Variants in MYADM observed in about 807,000 individuals in gnomAD.
MYADM encodes myeloid-associated differentiation marker.
For missense variants in MYADM, 416 were observed against 443.4 expected, an observed-to-expected ratio of 0.94 and a Z score of 0.56; for synonymous variants, 224 against 210.2, an observed-to-expected ratio of 1.07 and a Z score of -0.57.
chr19:53,874,305 C>T lies in MYADM; in HGVS notation c.776C>T (p.Pro259Leu), dbSNP rs1274009058. Residue 259 changes from proline (P) to leucine (L), a missense_variant, in exon 3 of 3, where the codon CCC (proline) becomes CTC (leucine). Physicochemically the swap from Pro to Leu is moderately conservative, Grantham distance 98. Transcript: ENST00000391770. ...TATGCCACCGCCCTTGTTCTCTGGC[C>T]CCTCTACCAGTTCGATGAGAAGTAT... ...LLYATALVLW[P>L]LYQFDEKYGG... 1.2e-6 allele frequency: 2 copies of T among 1,611,242 alleles called. No individual in the cohort carries two copies. Among genetic ancestry groups the T allele is most frequent in the Non-Finnish European group, 1.7e-6 (2 of 1,177,988 alleles).
chr19:53,874,081 C>A lies in MYADM; in HGVS notation c.552C>A (p.Ala184=), dbSNP rs369701605. ...TGAAGGTGCTGGAGACCTTCGTTGC[C>A]TGCATCATCTTCGCGTTCATCAGCG... ...GLLKVLETFV[A]CIIFAFISDP... Residue 184 remains alanine (A), a synonymous_variant, in exon 3 of 3, where the codon GCC becomes GCA. Transcript: ENST00000391770. The A allele has an allele frequency of 2.5e-6, 4 of 1,611,708 alleles. No homozygotes were observed. The East Asian group carries it at 8.9e-5, about 36-fold the overall frequency.
chr19:53,866,563 A>G (rs1181293868), upstream of MYADM: 1 of 152,230 alleles, frequency 6.6e-6, no homozygotes, highest in African/African-American at 2.4e-5. This position sits in a 1 kb window ranked among gnomAD's most constrained non-coding sequence, Gnocchi z 4.3. Flanking sequence ...CCGCCTTTTA[A>G]AAACACACCC....
rs763468606 is a variant in MYADM at position 53,873,844 on chromosome 19, C to T, written c.315C>T (p.Phe105=). 12 of 1,613,542 alleles carry T rather than the reference C, an allele frequency of 7.4e-6. No homozygotes were observed. Among genetic ancestry groups the T allele is most frequent in the East Asian group, 2.2e-5 (1 of 44,884 alleles). ...CTTGGCGCAACTTCCCCATCACCTT[C>T]GCCTGCTATGCGGCCCTCTTCTGCC... ...PLSWRNFPIT[F]ACYAALFCLS... is the part of the protein sequence containing the mutation. Residue 105 remains phenylalanine (F), a synonymous_variant, in exon 3 of 3, where the codon TTC becomes TTT. Coordinates refer to ENST00000391770, the MANE Select transcript of MYADM (RefSeq NM_138373.5). This position sits in a 1 kb window ranked among gnomAD's most constrained non-coding sequence, Gnocchi z 4.3.
At chr19:53,866,511 CT>C, upstream of MYADM, 1 of 152,418 alleles carries the variant, frequency 6.6e-6, no homozygotes, top group Non-Finnish European at 1.5e-5. This position sits in a 1 kb window ranked among gnomAD's most constrained non-coding sequence, Gnocchi z 4.3. Context: ...TCAGCTCCCT[CT>C]TTTTCTTTTG....
Position 53,874,601 on chromosome 19 carries a change from T to G in MYADM, c.*103T>G. 1 of 1,357,720 alleles carries G rather than the reference T, an allele frequency of 7.4e-7. No individual in the cohort carries two copies. Among genetic ancestry groups the G allele is most frequent in the East Asian group, 2.5e-5 (1 of 40,734 alleles). The allele number at this position is 1,357,720 out of a possible 1,614,324, so 84.1% of individuals were successfully genotyped here. ...TTCCTCCGCCTTTCCTCTGTTTTCC[T>G]CTTCCTGTCTCCCCTCCCTCCCACC... On this transcript the variant is annotated 3_prime_UTR_variant, in exon 3 of 3. Coordinates refer to ENST00000391770, the MANE Select transcript of MYADM (RefSeq NM_138373.5).
rs1361722292 is a variant in MYADM, at chr19:53,875,448, C to T, written c.*950C>T. ...CAGAGATTGGCTCCAGAATTTTTGC[C>T]AGGCTTACAGAACACCCACTGCCTA... On this transcript the variant is annotated 3_prime_UTR_variant, in exon 3 of 3. Coordinates refer to ENST00000391770, the MANE Select transcript of MYADM (RefSeq NM_138373.5). 6.0e-6 allele frequency: 1 copy of T among 166,502 alleles called. No homozygotes were observed. The highest frequency in any genetic ancestry group is 6.6e-5 in the Admixed American group (1 of 15,210). The allele number at this position is 166,502 out of a possible 1,614,324, so 10.3% of individuals were successfully genotyped here. A position where few individuals can be genotyped will look rare whatever the true frequency, so the allele number is the denominator to read the frequency against.
rs67727940 is a variant in MYADM at position 53,874,771 on chromosome 19, CTTT to C, written c.*293_*295del. The stretch of plus-strand genomic sequence containing the variant: ...CCTGAGCTGTTTCTCTTTTTCTTTT[CTTT>C]TTTTTTTTTTTTTTTTTTTAAGACG... On this transcript the variant is annotated 3_prime_UTR_variant, in exon 3 of 3. Coordinates refer to ENST00000391770, the MANE Select transcript of MYADM (RefSeq NM_138373.5). 626 of 171,672 alleles carry C rather than the reference CTTT, an allele frequency of 3.6e-3. 24 individuals carry two copies. The highest frequency in any genetic ancestry group is 9.5e-3 in the Middle Eastern group (4 of 420). The allele number at this position is 171,672 out of a possible 1,614,324, so 10.6% of individuals were successfully genotyped here.
chr19:53,873,920 G>A lies in MYADM; in HGVS notation c.391G>A (p.Gly131Ser), dbSNP rs977593432. The A allele has an allele frequency of 5.0e-6, 8 of 1,612,086 alleles. No homozygotes were observed. In the Admixed American group the frequency reaches 5.0e-5, roughly 10 times the overall value. The change falls in exon 3 of 3, where the codon GGC (glycine) becomes AGC (serine). Residue 131 changes from glycine to serine, a missense_variant. By Grantham distance (56) the Gly-to-Ser change is moderately conservative (BLOSUM62 0). Coordinates refer to ENST00000391770, the MANE Select transcript of MYADM (RefSeq NM_138373.5). This position sits in a 1 kb window ranked among gnomAD's most constrained non-coding sequence, Gnocchi z 4.3. ...CACCTATGTCCAGTTCCTGTCCCACGGCCGTTCGCGGGACCACGCCATCGC... is the reference window on the plus strand; with the variant it reads ...CACCTATGTCCAGTTCCTGTCCCACAGCCGTTCGCGGGACCACGCCATCGC... ...PTTYVQFLSH[G>S]RSRDHAIAAT...
In MYADM at chr19:53,869,771, TC is replaced by T. The variant is rs1168839875; in HGVS notation, c.-68del. Reference sequence around the variant, plus strand: ...CCCCTCAGGTGCTCTTACAGCCTGTTCCAAGTGTGGCTTAATCCGTCTCCAC... The same window carrying T: ...CCCCTCAGGTGCTCTTACAGCCTGTTCAAGTGTGGCTTAATCCGTCTCCAC... On this transcript the variant is annotated 5_prime_UTR_variant, in exon 2 of 3. Coordinates refer to ENST00000391770, the MANE Select transcript of MYADM (RefSeq NM_138373.5). 1.3e-5 allele frequency: 2 copies of T among 153,096 alleles called. No homozygotes were observed. Among genetic ancestry groups the T allele is most frequent in the Non-Finnish European group, 2.9e-5 (2 of 68,352 alleles). The allele number at this position is 153,096 out of a possible 1,614,324, so 9.5% of individuals were successfully genotyped here. A position where few individuals can be genotyped will look rare whatever the true frequency, so the allele number is the denominator to read the frequency against.
In MYADM at chr19:53,868,530, G is replaced by C. The variant is rs1370366060; in HGVS notation, c.-88+587G>C. 2.0e-5 allele frequency among the ~76,000 whole-genome samples: 3 copies of C among 152,036 alleles called. No individual in the cohort carries two copies. The highest frequency in any genetic ancestry group is 4.4e-5 in the Non-Finnish European group (3 of 67,986). The stretch of plus-strand genomic sequence containing the variant: ...TGGGCTCCTGAAAGGCCGAGGGAGG[G>C]GGGTGTTAAGATCCAGCCCCGTGCT... On this transcript the variant is annotated intron_variant, in intron 1 of 2. Transcript: ENST00000391770. This position sits in a 1 kb window ranked among gnomAD's most constrained non-coding sequence, Gnocchi z 6.3.
chr19:53,875,991 G>C lies in MYADM; in HGVS notation c.*1493G>C, dbSNP rs1353369929. On this transcript the variant is annotated 3_prime_UTR_variant, in exon 3 of 3. Coordinates refer to ENST00000391770, the MANE Select transcript of MYADM (RefSeq NM_138373.5). ...AGAGAGAAGAAAATAGCCACTGCCC[G>C]CTTTCAAGGCAAGATCGACCTTTTC... is the stretch of plus-strand genomic sequence containing the variant. The C allele has an allele frequency of 6.0e-6, 1 of 167,014 alleles. No homozygotes were observed. The highest frequency in any genetic ancestry group is 1.5e-5 in the Non-Finnish European group (1 of 68,114). The allele number at this position is 167,014 out of a possible 1,614,324, so 10.3% of individuals were successfully genotyped here. A position where few individuals can be genotyped will look rare whatever the true frequency, so the allele number is the denominator to read the frequency against.
chr19:53,870,037 G>A (rs1467017426), intron 2 of MYADM, among the ~76,000 whole-genome samples, 199 bp downstream of exon 2: 3 of 122,456 alleles, frequency 2.4e-5, no homozygotes, highest in African/African-American at 7.7e-5. Flanking sequence ...CGAGGGAGGA[G>A]GGGCTGGGGG....
intron 2 of MYADM, among the ~76,000 whole-genome samples, chr19:53,872,389 TG>T (rs2068409247): frequency 6.6e-6 from 1 of 151,982 alleles, no homozygotes; most frequent in African/African-American, 2.4e-5. Flanking sequence ...AGAGACCGAG[TG>T]TCGCCACGTT....
rs573221688 is a variant in MYADM at position 53,874,574 on chromosome 19, C to T, written c.*76C>T. The T allele has an allele frequency of 4.8e-6, 7 of 1,469,750 alleles. No homozygotes were observed. In the South Asian group the frequency reaches 7.2e-5, roughly 15 times the overall value. 91.0% of individuals were successfully genotyped at this position (1,469,750 alleles called of 1,614,324 possible). A position where few individuals can be genotyped will look rare whatever the true frequency, so the allele number is the denominator to read the frequency against. On this transcript the variant is annotated 3_prime_UTR_variant, in exon 3 of 3. Coordinates refer to ENST00000391770, the MANE Select transcript of MYADM (RefSeq NM_138373.5). ...CCCGAGTTTTCTTTATGGAGTACTT[C>T]TTTCCTCCGCCTTTCCTCTGTTTTC... is the stretch of plus-strand genomic sequence containing the variant.
upstream of MYADM, among the ~76,000 whole-genome samples, chr19:53,866,635 G>C (rs10403507): frequency 1.3e-5 from 2 of 151,922 alleles, no homozygotes; most frequent in Non-Finnish European, 2.9e-5. The surrounding 1 kb of genome is among the most constrained non-coding windows in gnomAD (Gnocchi z 4.3). Flanking sequence ...TTCCCCTCTT[G>C]CAGGATCCGT....
intron 2 of MYADM, among the ~76,000 whole-genome samples, chr19:53,870,282 C>T (rs1487843518): frequency 2.4e-5 from 2 of 83,864 alleles, no homozygotes; most frequent in Non-Finnish European, 2.3e-5. Context: ...CTCCGGGGTC[C>T]GAGGGAGGAG....
chr19:53,873,803 G>T lies in MYADM; in HGVS notation c.274G>T (p.Ala92Ser), dbSNP rs200922020. ...CATCGTGGAGCTGTGCGGGCTCCAG[G>T]CCCGCTTCCCCCTGTCTTGGCGCAA... ...ILIVELCGLQ[A>S]RFPLSWRNFP... The change falls in exon 3 of 3, where the codon GCC becomes TCC. Residue 92 changes from alanine to serine, a missense_variant. Transcript: ENST00000391770. This position sits in a 1 kb window ranked among gnomAD's most constrained non-coding sequence, Gnocchi z 4.3. 6.2e-7 allele frequency: 1 copy of T among 1,613,688 alleles called. No individual in the cohort carries two copies. The highest frequency in any genetic ancestry group is 1.7e-5 in the Admixed American group (1 of 60,030).
At chr19:53,870,981 A>G (rs1480800587) in intron 2 of MYADM, among the ~76,000 whole-genome samples, 2 of 152,232 alleles carry the variant, frequency 1.3e-5, no homozygotes, top group African/African-American at 4.8e-5. Context: ...CTGTAATCCC[A>G]GCACTTTGGG....
At position 53,874,430 on chromosome 19, in the gene MYADM, G is replaced by A. The variant is rs1478620403; in HGVS notation, c.901G>A (p.Ala301Thr). The A allele has an allele frequency of 2.5e-6, 4 of 1,614,080 alleles. No individual in the cohort carries two copies. Among genetic ancestry groups the A allele is most frequent in the Non-Finnish European group, 3.4e-6 (4 of 1,179,934 alleles). ...DRRLAVAILT[A>T]INLLAYVADL... ...CCGACTGGCTGTGGCCATCCTGACG[G>A]CCATCAACCTACTGGCGTATGTGGC... is the stretch of plus-strand genomic sequence containing the variant. Residue 301 changes from alanine to threonine, a missense_variant, in exon 3 of 3, where the codon GCC (alanine) becomes ACC (threonine). Physicochemically the swap from Ala to Thr is moderately conservative, Grantham distance 58. Coordinates refer to ENST00000391770, the MANE Select transcript of MYADM (RefSeq NM_138373.5).
Sources: gnomAD v4.1 joint callset for allele counts (sites outside exome capture counted in the v4.1 genomes callset) on GRCh38, gnomAD v4.1.1 for gene constraint, Gnocchi (gnomAD v3.1) non-coding constraint, MANE v1.5 for transcripts, NCBI Gene and HGNC (gene_info 2026-07-23, HGNC 2026-07-21) for gene names.